BRIX1: variants seen among roughly 807,000 people sequenced by gnomAD.
BRIX1 encodes ribosome biogenesis protein BRX1 homolog.
In BRIX1, 15 loss-of-function variants were observed where a neutral mutation model predicts 44.0. That is an observed-to-expected ratio of 0.34 (90% CI 0.23 to 0.53). The LOEUF (loss-of-function observed/expected upper bound fraction) is 0.53. BRIX1 is among the 20% of genes least tolerant of loss of function. BRIX1 has a pLI of 0.95. For missense variants in BRIX1, 420 were observed against 432.8 expected, an observed-to-expected ratio of 0.97 and a Z score of 0.26; for synonymous variants, 149 against 135.4, an observed-to-expected ratio of 1.10 and a Z score of -0.70.
intron 1 of BRIX1, chr5:34,918,161 C>G: frequency 5.1e-6 from 1 of 195,502 alleles, no homozygotes; most frequent in Non-Finnish European, 9.8e-6. Context: ...AAAAAAAAAA[C>G]TAGCTGGACA....
Position 34,919,877 on chromosome 5 carries a change from T to C in BRIX1, c.309T>C (p.Ile103=). 8.4e-7 allele frequency: 1 copy of C among 1,187,548 alleles called. No individual in the cohort carries two copies. The highest frequency in any genetic ancestry group is 1.2e-6 in the Non-Finnish European group (1 of 825,854). 73.6% of individuals were successfully genotyped at this position (1,187,548 alleles called of 1,614,324 possible). A position where few individuals can be genotyped will look rare whatever the true frequency, so the allele number is the denominator to read the frequency against. Residue 103 remains isoleucine, a synonymous_variant, in exon 3 of 10, where the codon ATT becomes ATC. Transcript: ENST00000336767. ...ATCGTAAGGATAAGCTATTTGTGAT[T>C]AACGAGGTAATTTTGGAAAGTAATT... ...KMDRKDKLFV[I]NEVCEMKNCN...
Position 34,925,409 on chromosome 5 carries a change from A to C in BRIX1, c.976A>C (p.Lys326Gln), listed in dbSNP as rs565222120. The C allele has an allele frequency of 1.2e-6, 2 of 1,614,036 alleles. No individual in the cohort carries two copies. Among genetic ancestry groups the C allele is most frequent in the South Asian group, 1.1e-5 (1 of 91,072 alleles). Residue 326 changes from lysine (K) to glutamine (Q), a missense_variant, in exon 10 of 10, where the codon AAA becomes CAA. Physicochemically the swap from Lys to Gln is moderately conservative, Grantham distance 53. Coordinates refer to ENST00000336767, the MANE Select transcript of BRIX1 (RefSeq NM_018321.4). ...AATACAGTGGGTAAAACCAGAGCCA[A>C]AAGTTGATTTGAAAGCAAGAAAGAA... Reference protein sequence around the residue: ...IEIQWVKPEPKVDLKARKKRI... With the variant: ...IEIQWVKPEPQVDLKARKKRI...
chr5:34,922,817 G>A, intron 6 of BRIX1, 49 bp downstream of exon 6: 1 of 1,503,750 alleles, frequency 6.7e-7, no homozygotes, highest in Non-Finnish European at 9.2e-7. Context: ...ATCTGGCATG[G>A]TTGTTTTTAG....
At chr5:34,920,031 A>G (rs1461738935) in intron 3 of BRIX1, 148 bp downstream of exon 3, 13 of 473,690 alleles carry the variant, frequency 2.7e-5, no homozygotes, top group South Asian at 1.2e-4. Context: ...GGTCTTCCAA[A>G]TTTTTATCTC....
Position 34,924,860 on chromosome 5 carries a change from A to G in BRIX1, c.677A>G (p.Asp226Gly). Residue 226 changes from aspartate (D) to glycine (G), a missense_variant, in exon 9 of 10, where the codon GAT (aspartate) becomes GGT (glycine). Asp to Gly is a moderately conservative substitution (Grantham distance 94, BLOSUM62 -1). Coordinates refer to ENST00000336767, the MANE Select transcript of BRIX1 (RefSeq NM_018321.4). ...TTTTTATTAAAGATCATAGAAGAAG[A>G]TGCTGCTCTTGTAGAAATAGGACCT... ...WFRNFQIIEE[D>G]AALVEIGPRF... 1 of 1,604,216 alleles carries G rather than the reference A, an allele frequency of 6.2e-7. No individual in the cohort carries two copies. The highest frequency in any genetic ancestry group is 8.5e-7 in the Non-Finnish European group (1 of 1,171,330).
At chr5:34,923,864 T>C (rs1318567424) in intron 8 of BRIX1, among the ~76,000 whole-genome samples, 1 of 152,220 alleles carries the variant, frequency 6.6e-6, no homozygotes, top group African/African-American at 2.4e-5. Context: ...CCTACTTCTA[T>C]TCATGACTGT....
At chr5:34,916,185 G>GTTT in intron 1 of BRIX1, 8 of 228,038 alleles carry the variant, frequency 3.5e-5, no homozygotes, top group Middle Eastern at 1.3e-3. Context: ...TTGTTCAGTT[G>GTTT]TTTTTTTTTT....
chr5:34,922,620 G>A (rs765143304), intron 5 of BRIX1, 32 bp downstream of exon 5: 3 of 1,592,234 alleles, frequency 1.9e-6, no homozygotes, highest in Non-Finnish European at 2.6e-6. Context: ...TTTTAGATGA[G>A]GAAATTAAAA....
chr5:34,922,324 T>G (rs750076592), intron 4 of BRIX1, 37 bp downstream of exon 4: 3 of 1,288,682 alleles, frequency 2.3e-6, no homozygotes, highest in Non-Finnish European at 3.3e-6. Context: ...TAAACTCATT[T>G]AAGTGGATTT....
At chr5:34,917,071 C>T (rs1167045549) in intron 1 of BRIX1, among the ~76,000 whole-genome samples, 1 of 151,806 alleles carries the variant, frequency 6.6e-6, no homozygotes, top group African/African-American at 2.4e-5. Flanking sequence ...AGGATTTAGC[C>T]CGTAAGCTGC....
At chr5:34,915,935 G>A (rs1476440838) in intron 1 of BRIX1, 38 bp downstream of exon 1, 22 of 1,499,116 alleles carry the variant, frequency 1.5e-5, no homozygotes, top group Non-Finnish European at 2.0e-5. Context: ...CTGCGGCGGC[G>A]GCTCTGTGCG....
At chr5:34,919,415 T>C (rs1331739148) in intron 2 of BRIX1, among the ~76,000 whole-genome samples, 2 of 152,092 alleles carry the variant, frequency 1.3e-5, no homozygotes, top group Non-Finnish European at 2.9e-5. Context: ...TAACTTATTT[T>C]AGATTCAAGG....
rs540035133 is a variant in BRIX1 at position 34,925,110 on chromosome 5, C to G, written c.793-116C>G. On this transcript the variant is annotated intron_variant, in intron 9 of 9. Coordinates refer to ENST00000336767, the MANE Select transcript of BRIX1 (RefSeq NM_018321.4). ...GCTGCATAGAAACTTGGAAATTACT[C>G]CCTTTTTTCATGACACTGGCTGAAA... The G allele has an allele frequency of 2.7e-4, 386 of 1,440,462 alleles. 9 individuals carry two copies. The South Asian group carries it at 4.6e-3, about 17-fold the overall frequency. 89.2% of individuals were successfully genotyped at this position (1,440,462 alleles called of 1,614,324 possible).
In BRIX1 at chr5:34,919,835, T is replaced by TTTTCTTTTG; in HGVS notation, c.272-5_272-4insTTTCTTTTG. ...ACTTGCTTTTTCTTTTTTTTCTTTT[T>TTTTCTTTTG]CTAGATACTAAAATGGATCGTAAGG... is the stretch of plus-strand genomic sequence containing the variant. On this transcript the variant is annotated splice_region_variant and splice_polypyrimidine_tract_variant and intron_variant, in intron 2 of 9. Transcript: ENST00000336767. 1 of 1,027,360 alleles carries TTTTCTTTTG rather than the reference T, an allele frequency of 9.7e-7. No homozygotes were observed. The highest frequency in any genetic ancestry group is 1.7e-5 in the South Asian group (1 of 57,474). The allele number at this position is 1,027,360 out of a possible 1,614,324, so 63.6% of individuals were successfully genotyped here.
chr5:34,922,845 T>C (rs1764270141), intron 6 of BRIX1, 77 bp downstream of exon 6: 2 of 1,393,712 alleles, frequency 1.4e-6, no homozygotes, highest in South Asian at 1.2e-5. Flanking sequence ...AGTTGTGTTA[T>C]TCAATTTAGT....
At chr5:34,922,030 CCTTGGGT>C (rs1764250172) in intron 3 of BRIX1, 180 bp from the exon 4 acceptor site, 1 of 355,120 alleles carries the variant, frequency 2.8e-6, no homozygotes, top group African/African-American at 2.1e-5. Flanking sequence ...ATCTAGTTTA[CCTTGGGT>C]AGAATACCTA....
chr5:34,923,198 C>A lies in BRIX1; in HGVS notation c.627C>A (p.Thr209=). ...TTGTGGACCACGTGTTTACTTTCAC[C>A]ATTTTGGATAATAGGATATGGTTTC... ...QPFVDHVFTF[T]ILDNRIWFRN... The change falls in exon 8 of 10, where the codon ACC becomes ACA. Residue 209 remains threonine, a synonymous_variant. Transcript: ENST00000336767. 1 of 1,613,980 alleles carries A rather than the reference C, an allele frequency of 6.2e-7. No homozygotes were observed. Among genetic ancestry groups the A allele is most frequent in the South Asian group, 1.1e-5 (1 of 91,078 alleles).
chr5:34,923,224 G>A lies in BRIX1; in HGVS notation c.653G>A (p.Arg218Gln), dbSNP rs758100221. 6.9e-6 allele frequency: 11 copies of A among 1,603,954 alleles called. No individual in the cohort carries two copies. The highest frequency in any genetic ancestry group is 3.3e-5 in the Admixed American group (2 of 59,908). ...FTILDNRIWF[R>Q]NFQIIEEDAA... is the part of the protein sequence containing the mutation. ...ATTTTGGATAATAGGATATGGTTTC[G>A]GAACTTTCAGGTAAGCTTTACTTGA... is the stretch of plus-strand genomic sequence containing the variant. Residue 218 changes from arginine to glutamine, a missense_variant, in exon 8 of 10, where the codon CGG (arginine) becomes CAG (glutamine). By Grantham distance (43) the Arg-to-Gln change is conservative (BLOSUM62 1). Coordinates refer to ENST00000336767, the MANE Select transcript of BRIX1 (RefSeq NM_018321.4).
At position 34,922,743 on chromosome 5, in the gene BRIX1, C is replaced by T; in HGVS notation, c.485C>T (p.Ser162Phe). Residue 162 changes from serine to phenylalanine, a missense_variant, in exon 6 of 10, where the codon TCT becomes TTT. Ser to Phe is a radical substitution (Grantham distance 155). Transcript: ENST00000336767. Reference protein sequence around the residue: ...LKMTGNCLKGSRPLLSFDPAF... With the variant: ...LKMTGNCLKGFRPLLSFDPAF... ...ATGACTGGAAACTGTTTGAAAGGTT[C>T]TCGGCCCCTTTTGTCTTTTGACCCT... is the stretch of plus-strand genomic sequence containing the variant. 6.2e-7 allele frequency: 1 copy of T among 1,614,032 alleles called. No individual in the cohort carries two copies. The highest frequency in any genetic ancestry group is 8.5e-7 in the Non-Finnish European group (1 of 1,179,950).
Sources: gnomAD v4.1 joint callset for allele counts (sites outside exome capture counted in the v4.1 genomes callset) on GRCh38, gnomAD v4.1.1 for gene constraint, MANE v1.5 for transcripts, NCBI Gene and HGNC (gene_info 2026-07-23, HGNC 2026-07-21) for gene names.